Variants in AHDC1 observed in about 807,000 individuals in gnomAD.
AHDC1 encodes AT-hook DNA binding motif containing 1.
AHDC1 carries 7 observed loss-of-function variants against 87.9 expected under a neutral mutation model. That is an observed-to-expected ratio of 0.08 (90% CI 0.05 to 0.15). The LOEUF (loss-of-function observed/expected upper bound fraction) is 0.15. Ranked by LOEUF, AHDC1 falls within the 10% of genes least tolerant of loss-of-function variation. The pLI is 1.00. For synonymous variants in AHDC1, 1,051 were observed against 1,006.8 expected, an observed-to-expected ratio of 1.04 and a Z score of -0.83; for missense variants, 1,841 against 2,253.2, an observed-to-expected ratio of 0.82 and a Z score of 3.70.
rs1390191754 is a variant in AHDC1 at position 27,590,866 on chromosome 1, G to A, written c.-629+12531C>T. ...GGGATGAGCATCAGCTGGAGGGAGT[G>A]GGGAACAGGCAGGTGGGCTCCCTCA... On this transcript the variant is annotated intron_variant, in intron 3 of 8. Transcript: ENST00000673934. The surrounding 1 kb of genome is among the most constrained non-coding windows in gnomAD (Gnocchi z 5.4). Among the ~76,000 whole-genome samples, 1 of 152,190 alleles carries A rather than the reference G, an allele frequency of 6.6e-6. No individual in the cohort carries two copies. Among genetic ancestry groups the A allele is most frequent in the Admixed American group, 6.5e-5 (1 of 15,284 alleles).
intron 3 of AHDC1, among the ~76,000 whole-genome samples, chr1:27,575,560 CGCTCTCCAGCTGCAGGAAATTCCAGAA>C (rs1355504590): frequency 6.6e-6 from 1 of 151,842 alleles, no homozygotes; most frequent in Admixed American, 6.6e-5. Flanking sequence ...CGGCCGGCCG[CGCTCTCCAGCTGCAGGAAATTCCAGAA>C]GCTCTCCATC....
Position 27,549,011 on chromosome 1 carries a change from G to A in AHDC1, c.3105C>T (p.Ala1035=). ...TGGPCLPPSK[A]SFFSSSEGAP... The stretch of plus-strand genomic sequence containing the variant: ...CCCCCTCAGAGCTGCTGAAGAAGGA[G>A]GCCTTGCTTGGTGGCAGGCAGGGGC... Residue 1035 remains alanine (A), a synonymous_variant, in exon 8 of 9, where the codon GCC becomes GCT. Coordinates refer to ENST00000673934, the MANE Select transcript of AHDC1 (RefSeq NM_001371928.1). The A allele has an allele frequency of 1.9e-6, 3 of 1,574,048 alleles. No individual in the cohort carries two copies. Among genetic ancestry groups the A allele is most frequent in the Non-Finnish European group, 2.6e-6 (3 of 1,159,016 alleles).
rs1212517768 is a variant in AHDC1, at chr1:27,563,194, GCA to G, written c.-628-4313_-628-4312del. 3.1e-5 allele frequency among the ~76,000 whole-genome samples: 4 copies of G among 128,312 alleles called. No individual in the cohort carries two copies. Among genetic ancestry groups the G allele is most frequent in the South Asian group, 2.5e-4 (1 of 3,938 alleles). The allele number at this position is 128,312 out of a possible 152,430, so 84.2% of individuals were successfully genotyped here. ...ATAGTTGACCAAGACACACACACAT[GCA>G]CACACACACAGAACCTGTCACACAG... is the stretch of plus-strand genomic sequence containing the variant. On this transcript the variant is annotated intron_variant, in intron 3 of 8. Coordinates refer to ENST00000673934, the MANE Select transcript of AHDC1 (RefSeq NM_001371928.1). The surrounding 1 kb of genome is among the most constrained non-coding windows in gnomAD (Gnocchi z 6.1).
chr1:27,579,308 G>T (rs576623278), intron 3 of AHDC1, among the ~76,000 whole-genome samples: 5 of 152,176 alleles, frequency 3.3e-5, no homozygotes, highest in African/African-American at 9.6e-5. Flanking sequence ...CTCTGGATCC[G>T]TATCTGTGTG....
chr1:27,553,403 G>A (rs2019665675), intron 5 of AHDC1: 1 of 152,160 alleles, frequency 6.6e-6, no homozygotes, highest in Non-Finnish European at 1.5e-5. Context: ...TACCTACTTT[G>A]GACAAGGACT....
rs567079944 is a variant in AHDC1 at position 27,586,119 on chromosome 1, G to T, written c.-629+17278C>A. 3.8e-4 allele frequency among the ~76,000 whole-genome samples: 58 copies of T among 152,282 alleles called. 1 individual carries two copies. The highest frequency in any genetic ancestry group is 1.3e-3 in the African/African-American group (55 of 41,552). On this transcript the variant is annotated intron_variant, in intron 3 of 8. Transcript: ENST00000673934. ...CCCCAACTTCAAAAGTTTCCCCAAG[G>T]GTGCCTAAGCGCCATCCAAGGCAAG...
At chr1:27,538,003 C>G (rs2018723089) in intron 8 of AHDC1, among the ~76,000 whole-genome samples, 1 of 152,196 alleles carries the variant, frequency 6.6e-6, no homozygotes, top group South Asian at 2.1e-4. Flanking sequence ...TGTATTCATG[C>G]CCACTGGCTG....
intron 3 of AHDC1, among the ~76,000 whole-genome samples, chr1:27,599,571 AC>A (rs1253234508): frequency 2.0e-5 from 3 of 152,132 alleles, no homozygotes; most frequent in Non-Finnish European, 2.9e-5. Flanking sequence ...GGTATCTGTG[AC>A]CCTGAGCAAG....
Position 27,551,166 on chromosome 1 carries a change from A to G in AHDC1, c.950T>C (p.Leu317Pro). The G allele has an allele frequency of 6.2e-7, 1 of 1,608,792 alleles. No homozygotes were observed. The highest frequency in any genetic ancestry group is 1.3e-5 in the African/African-American group (1 of 74,942). The stretch of plus-strand genomic sequence containing the variant: ...CTCCAAGGAGTCAGGCAGGGTGTCC[A>G]GGGCCTGGAGAGCCAGGCCCGGCAG... ...LGLPGLALQA[L>P]DTLPDSLESQ... Residue 317 changes from leucine (L) to proline (P), a missense_variant, in exon 8 of 9, where the codon CTG (leucine) becomes CCG (proline). Leu to Pro is a moderately conservative substitution (Grantham distance 98). Transcript: ENST00000673934.
Position 27,595,146 on chromosome 1 carries a change from C to G in AHDC1, c.-629+8251G>C, listed in dbSNP as rs2089333877. On this transcript the variant is annotated intron_variant, in intron 3 of 8. Transcript: ENST00000673934. This position sits in a 1 kb window ranked among gnomAD's most constrained non-coding sequence, Gnocchi z 4.0. ...CGAAGCCATGTCTGTGTGTTTGAGG[C>G]AAATGTTGTGGCTACAGAGGGTGTT... Among the ~76,000 whole-genome samples, 1 of 152,002 alleles carries G rather than the reference C, an allele frequency of 6.6e-6. No homozygotes were observed. The highest frequency in any genetic ancestry group is 2.4e-5 in the African/African-American group (1 of 41,354).
chr1:27,548,228 G>A lies in AHDC1; in HGVS notation c.3888C>T (p.Ile1296=). ...GTGGGTTGACTGGCTGTGGCTTGGG[G>A]ATGAACTTGGCTTTGGCCGCTGCGC... The part of the protein sequence containing the change: ...RGGAAAKAKF[I]PKPQPVNPLF... The change falls in exon 8 of 9, where the codon ATC becomes ATT. Residue 1296 remains isoleucine (I), a synonymous_variant. Transcript: ENST00000673934. 1 of 1,613,208 alleles carries A rather than the reference G, an allele frequency of 6.2e-7. No homozygotes were observed. The highest frequency in any genetic ancestry group is 8.5e-7 in the Non-Finnish European group (1 of 1,179,898).
rs1039876972 is a variant in AHDC1 at position 27,598,305 on chromosome 1, A to C, written c.-629+5092T>G. 3.3e-5 allele frequency among the ~76,000 whole-genome samples: 5 copies of C among 151,132 alleles called. No homozygotes were observed. The highest frequency in any genetic ancestry group is 1.2e-4 in the African/African-American group (5 of 41,206). On this transcript the variant is annotated intron_variant, in intron 3 of 8. Coordinates refer to ENST00000673934, the MANE Select transcript of AHDC1 (RefSeq NM_001371928.1). This position sits in a 1 kb window ranked among gnomAD's most constrained non-coding sequence, Gnocchi z 4.2. ...GCAGTTGGGTTTGTGTGTGTGGTGG[A>C]GGGGGCTGGAAGGGGGCTGGAGGGA...
At chr1:27,546,220 T>A (rs1487603368) in intron 8 of AHDC1, among the ~76,000 whole-genome samples, 1 of 152,212 alleles carries the variant, frequency 6.6e-6, no homozygotes, top group Non-Finnish European at 1.5e-5. Flanking sequence ...ACAGATCTGT[T>A]GTCCAAAAGT....
chr1:27,550,881 C>A lies in AHDC1; in HGVS notation c.1235G>T (p.Arg412Leu). ...GRKADAGPEG[R>L]LLPLPMPTGL... is the part of the protein sequence containing the mutation. ...CGTGGGCATAGGCAGGGGCAGTAGG[C>A]GGCCCTCGGGTCCGGCGTCTGCCTT... The change falls in exon 8 of 9, where the codon CGC becomes CTC. Residue 412 changes from arginine to leucine, a missense_variant. This residue lies in a region of AHDC1 where 370 missense variants were observed against 391.5 expected (regional missense o/e 0.95). Transcript: ENST00000673934. 6.3e-7 allele frequency: 1 copy of A among 1,581,454 alleles called. No individual in the cohort carries two copies.
Position 27,550,285 on chromosome 1 carries a change from C to T in AHDC1, c.1831G>A (p.Glu611Lys). 6.2e-7 allele frequency: 1 copy of T among 1,614,060 alleles called. No individual in the cohort carries two copies. The change falls in exon 8 of 9, where the codon GAG becomes AAG. Residue 611 changes from glutamate (E) to lysine (K), a missense_variant. Transcript: ENST00000673934. ...AGCTTGGCCAGGACGTCTGAGTACT[C>T]GGCCTTGCTGTCGTTGGCGTCTGCT... ...YAADANDSKA[E>K]YSDVLAKLAF...
intron 3 of AHDC1, among the ~76,000 whole-genome samples, chr1:27,580,668 T>G (rs905609202): frequency 1.3e-5 from 2 of 152,246 alleles, no homozygotes; most frequent in African/African-American, 4.8e-5. Context: ...ATTTCACAGG[T>G]TGTTGTATAG....
At position 27,534,248 on chromosome 1, in the gene AHDC1, G is replaced by GTTTTTTTTTTGTTTTTTTTTTTT; in HGVS notation, c.*711_*712insAAAAAAAAAAAACAAAAAAAAAA. ...CCCCCTTTCACAAGACACAAGGTTGGTTTTTTTTTTTTGTTTTTTTTTTGT... is the reference window on the plus strand; with the variant it reads ...CCCCCTTTCACAAGACACAAGGTTGGTTTTTTTTTTGTTTTTTTTTTTTTTTTTTTTTTTTGTTTTTTTTTTGT... On this transcript the variant is annotated 3_prime_UTR_variant, in exon 9 of 9. Transcript: ENST00000673934. 1 of 113,666 alleles carries GTTTTTTTTTTGTTTTTTTTTTTT rather than the reference G, an allele frequency of 8.8e-6. No individual in the cohort carries two copies. Among genetic ancestry groups the GTTTTTTTTTTGTTTTTTTTTTTT allele is most frequent in the Non-Finnish European group, 1.9e-5 (1 of 52,600 alleles). 7.0% of individuals were successfully genotyped at this position (113,666 alleles called of 1,614,324 possible). A position where few individuals can be genotyped will look rare whatever the true frequency, so the allele number is the denominator to read the frequency against.
intron 3 of AHDC1, among the ~76,000 whole-genome samples, chr1:27,596,128 C>G (rs943798424): frequency 5.3e-5 from 8 of 151,988 alleles, no homozygotes; most frequent in African/African-American, 1.5e-4. Flanking sequence ...GCTCCGGGGC[C>G]TAACTGGGGG....
At chr1:27,587,783 G>T (rs1571329242) in intron 3 of AHDC1, among the ~76,000 whole-genome samples, 1 of 152,082 alleles carries the variant, frequency 6.6e-6, no homozygotes, top group Non-Finnish European at 1.5e-5. Context: ...GCTACTACAA[G>T]CCCAACACCT....
Sources: allele counts gnomAD v4.1 joint callset (sites outside exome capture counted in the v4.1 genomes callset), GRCh38; gene constraint gnomAD v4.1.1; regional missense constraint gnomAD v4.1.1; non-coding constraint Gnocchi (gnomAD v3.1); transcripts MANE v1.5; gene names NCBI Gene and HGNC (gene_info 2026-07-23, HGNC 2026-07-21).